The following MYO1C variants were observed in gnomAD, a reference collection of about 807,000 sequenced individuals.
MYO1C encodes the protein unconventional myosin-Ic.
Under a neutral mutation model 150.8 loss-of-function variants are expected in MYO1C, and 104 were observed. That is an observed-to-expected ratio of 0.69 (90% CI 0.59 to 0.81). The LOEUF is 0.81. Among genes scored for constraint, MYO1C ranks in the 30% least tolerant of loss-of-function variants. The pLI, the probability that MYO1C is intolerant of heterozygous loss-of-function variation, is 0.00. For missense variants in MYO1C, 1,504 were observed against 1,435.0 expected (o/e 1.05, Z -0.78); for synonymous variants, 663 against 579.9 (o/e 1.14, Z -2.06).
intron 1 of MYO1C, chr17:1,485,662 C>A (rs756043863): frequency 2.5e-6 from 3 of 1,209,988 alleles, no homozygotes; most frequent in East Asian, 3.5e-5. Flanking sequence ...CGCCCGGGAC[C>A]CCCCGCCCTG....
Position 1,470,607 on chromosome 17 carries a change from A to T in MYO1C, c.2281+14T>A, listed in dbSNP as rs1394763363. On this transcript the variant is annotated intron_variant, in intron 22 of 31. Coordinates refer to ENST00000648651, the MANE Select transcript of MYO1C (RefSeq NM_001080779.2). Reference sequence around the variant, plus strand: ...CAGACCCCGCCCCTCCTGAACACCCATGGGCCCGCGAACCTGATCTCTTCA... The same window carrying T: ...CAGACCCCGCCCCTCCTGAACACCCTTGGGCCCGCGAACCTGATCTCTTCA... The T allele has an allele frequency of 7.1e-7, 1 of 1,399,020 alleles. No individual in the cohort carries two copies. Among genetic ancestry groups the T allele is most frequent in the East Asian group, 2.9e-5 (1 of 34,732 alleles). The allele number at this position is 1,399,020 out of a possible 1,614,324, so 86.7% of individuals were successfully genotyped here.
rs901821706 is a variant in MYO1C at position 1,465,583 on chromosome 17, G to A, written c.*143C>T. The A allele has an allele frequency of 2.4e-5, 21 of 893,228 alleles. No homozygotes were observed. The highest frequency in any genetic ancestry group is 3.3e-5 in the Non-Finnish European group (21 of 639,624). 55.3% of individuals were successfully genotyped at this position (893,228 alleles called of 1,614,324 possible). ...GCCCCTGCTGCTCCCTCAAGAGAGG[G>A]ATGGGCAGGAGGTGGGAGATTGCAG... On this transcript the variant is annotated 3_prime_UTR_variant, in exon 32 of 32. Coordinates refer to ENST00000648651, the MANE Select transcript of MYO1C (RefSeq NM_001080779.2).
chr17:1,471,708 G>A (rs1263280117), intron 19 of MYO1C, among the ~76,000 whole-genome samples, 199 bp downstream of exon 19: 2 of 152,184 alleles, frequency 1.3e-5, no homozygotes, highest in East Asian at 1.9e-4. Flanking sequence ...TGGAGGGCAC[G>A]GCCTGGGGGA....
rs548815618 is a variant in MYO1C at position 1,489,608 on chromosome 17, A to ATCTT, written c.75+2804_75+2805insAAGA. On this transcript the variant is annotated intron_variant, in intron 1 of 31. Coordinates refer to ENST00000648651, the MANE Select transcript of MYO1C (RefSeq NM_001080779.2). Reference sequence around the variant, plus strand: ...GGTGGGAGGATTGCTTGAGCCCAAGAGGTTGAGGCTGCAGTGAGCTGTGAT... The same window carrying ATCTT: ...GGTGGGAGGATTGCTTGAGCCCAAGATCTTGGTTGAGGCTGCAGTGAGCTGTGAT... Among the ~76,000 whole-genome samples, 5 of 152,330 alleles carry ATCTT rather than the reference A, an allele frequency of 3.3e-5. No homozygotes were observed. In the South Asian group the frequency reaches 1.0e-3, roughly 32 times the overall value.
chr17:1,490,615 C>T (rs759626485), intron 1 of MYO1C, among the ~76,000 whole-genome samples: 6 of 152,176 alleles, frequency 3.9e-5, no homozygotes, highest in Non-Finnish European at 8.8e-5. Flanking sequence ...CAATCCATTT[C>T]CTCTGGGGCA....
intron 17 of MYO1C, 48 bp from the exon 18 acceptor site, chr17:1,472,276 T>A: frequency 1.3e-6 from 2 of 1,546,782 alleles, no homozygotes. Flanking sequence ...GGGCTAAAGC[T>A]GCTGACCCCA....
At position 1,465,108 on chromosome 17, in the gene MYO1C, A is replaced by T. The variant is rs569698386; in HGVS notation, c.*618T>A. ...GTTACAGGCGTGAGCCACCATGCCC[A>T]GCCTAAAAGGACATTCTTAAGGCAG... On this transcript the variant is annotated 3_prime_UTR_variant, in exon 32 of 32. Coordinates refer to ENST00000648651, the MANE Select transcript of MYO1C (RefSeq NM_001080779.2). 8 of 152,646 alleles carry T rather than the reference A, an allele frequency of 5.2e-5. No individual in the cohort carries two copies. Among genetic ancestry groups the T allele is most frequent in the African/African-American group, 1.7e-4 (7 of 41,556 alleles). The allele number at this position is 152,646 out of a possible 1,614,324, so 9.5% of individuals were successfully genotyped here.
rs1308339380 is a variant in MYO1C, at chr17:1,479,475, G to A, written c.1048C>T (p.Arg350Ter). Residue 350 changes from arginine to a stop codon, truncating the protein, a stop_gained, in exon 9 of 32, where the codon CGA (arginine) becomes TGA (stop). Coordinates refer to ENST00000648651, the MANE Select transcript of MYO1C (RefSeq NM_001080779.2). LOFTEE classifies it high-confidence loss of function. The surrounding 1 kb of genome is among the most constrained non-coding windows in gnomAD (Gnocchi z 4.2). ...RLLSVEGSTL[R>*]EALTHRKIIA... is the part of the protein sequence containing the mutation. ...ATCTTCCTGTGTGTCAGGGCTTCTC[G>A]CAGCGTCGAGCCTTCCACGCTGAGG... 6 of 1,515,216 alleles carry A rather than the reference G, an allele frequency of 4.0e-6. No homozygotes were observed. The highest frequency in any genetic ancestry group is 1.2e-5 in the South Asian group (1 of 83,712). The allele number at this position is 1,515,216 out of a possible 1,614,324, so 93.9% of individuals were successfully genotyped here.
intron 1 of MYO1C, chr17:1,485,212 T>A: frequency 8.5e-7 from 1 of 1,177,594 alleles, no homozygotes; most frequent in South Asian, 1.6e-5. Flanking sequence ...AGGGCTGAGA[T>A]GGATCCCTCT....
rs545807469 is a variant in MYO1C, at chr17:1,476,902, G to A, written c.1574+603C>T. On this transcript the variant is annotated intron_variant, in intron 14 of 31. Coordinates refer to ENST00000648651, the MANE Select transcript of MYO1C (RefSeq NM_001080779.2). ...CGCTCAGGCTGGAGGGCAGTGGTGCGATCTCGGCTCACTGCAACCTGCACC... is the reference window on the plus strand; with the variant it reads ...CGCTCAGGCTGGAGGGCAGTGGTGCAATCTCGGCTCACTGCAACCTGCACC... 1.2e-4 allele frequency among the ~76,000 whole-genome samples: 18 copies of A among 151,850 alleles called. 1 individual carries two copies. The highest frequency in any genetic ancestry group is 1.2e-3 in the Admixed American group (18 of 15,252).
intron 17 of MYO1C, 164 bp from the exon 18 acceptor site, chr17:1,472,392 C>A: frequency 1.6e-6 from 1 of 642,234 alleles, no homozygotes; most frequent in South Asian, 1.8e-5. Flanking sequence ...AGGAGGGGGC[C>A]AGACTCCACC....
rs764889827 is a variant in MYO1C at position 1,468,322 on chromosome 17, G to A, written c.2705-14C>T. The A allele has an allele frequency of 8.0e-5, 129 of 1,614,006 alleles. No homozygotes were observed. Among genetic ancestry groups the A allele is most frequent in the Non-Finnish European group, 1.1e-4 (126 of 1,180,030 alleles). On this transcript the variant is annotated splice_polypyrimidine_tract_variant and intron_variant, in intron 26 of 31. Transcript: ENST00000648651. ...TCTCATCTGTACCTGCAACTCAGAT[G>A]GCGGGGAGGGAAGTCAGTGGAGGCA...
intron 19 of MYO1C, 142 bp from the exon 20 acceptor site, chr17:1,471,478 T>C: frequency 2.8e-6 from 2 of 726,202 alleles, no homozygotes; most frequent in Non-Finnish European, 4.9e-6. Flanking sequence ...ACTGCCCCCA[T>C]TTTAAAGATG....
rs1452693304 is a variant in MYO1C at position 1,474,945 on chromosome 17, G to A, written c.1662C>T (p.Ser554=). The A allele has an allele frequency of 6.3e-6, 10 of 1,594,644 alleles. No individual in the cohort carries two copies. Among genetic ancestry groups the A allele is most frequent in the South Asian group, 1.1e-5 (1 of 89,106 alleles). The change falls in exon 15 of 32, where the codon AGC becomes AGT. Residue 554 remains serine (S), a synonymous_variant. Transcript: ENST00000648651. ...LLHYAGEVTY[S]VTGFLDKNND... ...CAGCCCCAGGATCCTCACCGGTCAC[G>A]CTGTAGGTCACCTCCCCCGCATAGT...
chr17:1,484,495 G>C, intron 1 of MYO1C, 192 bp from the exon 2 acceptor site: 3 of 661,586 alleles, frequency 4.5e-6, no homozygotes, highest in East Asian at 2.7e-5. Context: ...GCGGAAAGCC[G>C]GGTGTGGAGG....
intron 17 of MYO1C, among the ~76,000 whole-genome samples, 163 bp downstream of exon 17, chr17:1,474,447 A>AG (rs969972168): frequency 4.0e-5 from 6 of 149,114 alleles, no homozygotes; most frequent in Non-Finnish European, 4.4e-5. Context: ...AAAAAAAAAA[A>AG]AAAGTAGGCA....
At chr17:1,476,265 GC>G (rs534948263) in intron 14 of MYO1C, among the ~76,000 whole-genome samples, 12 of 150,524 alleles carry the variant, frequency 8.0e-5, no homozygotes, top group Non-Finnish European at 1.8e-4. Context: ...TGCAAGCTCC[GC>G]CCCCCAGGTT....
intron 2 of MYO1C, 50 bp from the exon 3 acceptor site, chr17:1,483,775 G>A (rs367887170): frequency 6.2e-5 from 88 of 1,426,628 alleles, no homozygotes; most frequent in Non-Finnish European, 8.1e-5. Context: ...CAGGTGCGAT[G>A]GCTCATGCCT....
In MYO1C at chr17:1,487,500, G is replaced by A. The variant is rs558504447; in HGVS notation, c.76-3197C>T. Reference sequence around the variant, plus strand: ...AACCCGGCCGGAGCGGCGGCCCTGGGGACCCCCGAGCGGGGGCACCAGCTG... The same window carrying A: ...AACCCGGCCGGAGCGGCGGCCCTGGAGACCCCCGAGCGGGGGCACCAGCTG... On this transcript the variant is annotated intron_variant, in intron 1 of 31. Coordinates refer to ENST00000648651, the MANE Select transcript of MYO1C (RefSeq NM_001080779.2). Among the ~76,000 whole-genome samples, 3 of 152,312 alleles carry A rather than the reference G, an allele frequency of 2.0e-5. No homozygotes were observed. The East Asian group carries it at 5.8e-4, about 29-fold the overall frequency.
Sources: allele counts gnomAD v4.1 joint callset (sites outside exome capture counted in the v4.1 genomes callset), GRCh38; gene constraint gnomAD v4.1.1; non-coding constraint Gnocchi (gnomAD v3.1); transcripts MANE v1.5; gene names NCBI Gene and HGNC (gene_info 2026-07-23, HGNC 2026-07-21).